ITGB2: variants seen among roughly 807,000 people sequenced by gnomAD.
ITGB2 encodes integrin beta-2.
A neutral mutation model predicts 86.8 loss-of-function variants in ITGB2; 56 were observed. The ratio of observed to expected loss-of-function variants is 0.65; its 90% CI spans 0.52 to 0.81. ITGB2 has a LOEUF of 0.81. Ranked by LOEUF, ITGB2 falls within the 30% of genes least tolerant of loss-of-function variation. The pLI is 0.00. For missense variants in ITGB2, 948 were observed against 1,061.2 expected (o/e 0.89, Z 1.48); for synonymous variants, 457 against 450.4 (o/e 1.01, Z -0.19).
chr21:44,908,724 C>T (rs760598832), intron 3 of ITGB2, among the ~76,000 whole-genome samples: 4 of 152,184 alleles, frequency 2.6e-5, no homozygotes, highest in Non-Finnish European at 5.9e-5. Context: ...GCTTGTCCGG[C>T]TACAACGGTG....
chr21:44,889,817 T>C (rs1304583090), intron 12 of ITGB2, among the ~76,000 whole-genome samples, 161 bp downstream of exon 12: 1 of 152,170 alleles, frequency 6.6e-6, no homozygotes, highest in Non-Finnish European at 1.5e-5. Flanking sequence ...TGCAGGGCCA[T>C]CCAAGTTCCT....
chr21:44,904,363 C>T (rs960270994), intron 4 of ITGB2, among the ~76,000 whole-genome samples: 1 of 151,930 alleles, frequency 6.6e-6, no homozygotes, highest in Non-Finnish European at 1.5e-5. Context: ...ACATGGCATA[C>T]ACACCCACAT....
intron 6 of ITGB2, among the ~76,000 whole-genome samples, chr21:44,900,868 G>A (rs2083946281): frequency 6.6e-6 from 1 of 152,232 alleles, no homozygotes; most frequent in Non-Finnish European, 1.5e-5. Context: ...GGCCCAGCAG[G>A]CCTTGAGTCC....
intron 7 of ITGB2, among the ~76,000 whole-genome samples, chr21:44,900,112 G>A (rs1415881052): frequency 1.3e-5 from 2 of 152,344 alleles, no homozygotes; most frequent in Non-Finnish European, 2.9e-5. Context: ...CCGGGCCTCA[G>A]CCTGGCTGCC....
chr21:44,901,638 G>A lies in ITGB2; in HGVS notation c.595C>T (p.Gln199Ter), dbSNP rs1200663010. 6.2e-7 allele frequency: 1 copy of A among 1,614,262 alleles called. No individual in the cohort carries two copies. The highest frequency in any genetic ancestry group is 8.5e-7 in the Non-Finnish European group (1 of 1,180,044). Residue 199 changes from glutamine (Q) to a stop codon, truncating the protein, a stop_gained, in exon 6 of 16, where the codon CAG becomes TAG. Coordinates refer to ENST00000652462, the MANE Select transcript of ITGB2 (RefSeq NM_000211.5). LOFTEE classifies it high-confidence loss of function. ...NPCPNKEKEC[Q>*]PPFAFRHVLK... ...ACGTGCCTGAAGGCAAACGGGGGCTGGCACTCTTTCTCCTTGTTGGGGCAT... is the reference window on the plus strand; with the variant it reads ...ACGTGCCTGAAGGCAAACGGGGGCTAGCACTCTTTCTCCTTGTTGGGGCAT...
intron 15 of ITGB2, 51 bp downstream of exon 15, chr21:44,886,685 T>C: frequency 6.2e-7 from 1 of 1,610,424 alleles, no homozygotes; most frequent in East Asian, 2.2e-5. Context: ...GGTCGCATAG[T>C]GTGGGACGCA....
intron 8 of ITGB2, among the ~76,000 whole-genome samples, chr21:44,896,502 A>C (rs2083873231): frequency 6.6e-6 from 1 of 151,760 alleles, no homozygotes; most frequent in African/African-American, 2.4e-5. Context: ...TGGTCGGGTC[A>C]CCTCCCCGCC....
At chr21:44,911,040 G>A in intron 1 of ITGB2, 1 of 565,260 alleles carries the variant, frequency 1.8e-6, no homozygotes, top group Non-Finnish European at 3.2e-6. Context: ...GCGGGCCCCT[G>A]CAGAGGCACA....
At chr21:44,920,045 C>T (rs1160039707) in intron 1 of ITGB2, among the ~76,000 whole-genome samples, 2 of 152,154 alleles carry the variant, frequency 1.3e-5, no homozygotes, top group East Asian at 1.9e-4. Context: ...CGACCAGAAT[C>T]GCACAGCGGT....
chr21:44,889,840 T>G, intron 12 of ITGB2, 138 bp downstream of exon 12: 2 of 1,288,910 alleles, frequency 1.6e-6, no homozygotes, highest in Non-Finnish European at 1.1e-6. Context: ...TGACGCCCGG[T>G]GGCTGGGCGA....
chr21:44,918,514 G>C (rs946261286), intron 1 of ITGB2, among the ~76,000 whole-genome samples: 22 of 152,206 alleles, frequency 1.4e-4, no homozygotes, highest in African/African-American at 5.1e-4. Context: ...CACCCCTCCT[G>C]TTTCACAGAT....
At chr21:44,902,760 G>A (rs982917664) in intron 5 of ITGB2, among the ~76,000 whole-genome samples, 4 of 152,108 alleles carry the variant, frequency 2.6e-5, no homozygotes, top group Non-Finnish European at 5.9e-5. Context: ...TCACGTGCAT[G>A]AGCGTGCATT....
rs1288323647 is a variant in ITGB2 at position 44,886,859 on chromosome 21, G to A, written c.2124C>T (p.Thr708=). ...TGCCGATCAGCACGATGCCTGCCAC[G>A]GTGCCCCCGACGATGGCGGCGATGT... ...GPNIAAIVGG[T]VAGIVLIGIL... The change falls in exon 15 of 16, where the codon ACC becomes ACT. Residue 708 remains threonine, a synonymous_variant. Transcript: ENST00000652462. 8.1e-6 allele frequency: 13 copies of A among 1,613,536 alleles called. No individual in the cohort carries two copies. Among genetic ancestry groups the A allele is most frequent in the East Asian group, 2.2e-5 (1 of 44,876 alleles).
chr21:44,903,294 G>A (rs2083992159), intron 5 of ITGB2, 71 bp downstream of exon 5: 1 of 1,579,102 alleles, frequency 6.3e-7, no homozygotes, highest in East Asian at 2.2e-5. Context: ...GAGGAGTTGT[G>A]TGGGCCACAG....
At chr21:44,895,182 T>C (rs2083847331) in intron 8 of ITGB2, 122 bp from the exon 9 acceptor site, 4 of 755,042 alleles carry the variant, frequency 5.3e-6, no homozygotes, top group Non-Finnish European at 9.4e-6. Context: ...TCAACGCAGT[T>C]TTGCACTTGG....
At chr21:44,922,941 C>T (rs1328071746), upstream of ITGB2, 1 of 152,152 alleles carries the variant, frequency 6.6e-6, no homozygotes, top group Non-Finnish European at 1.5e-5. Context: ...TGAAGAAGGA[C>T]AGAAAGAGAA....
intron 8 of ITGB2, among the ~76,000 whole-genome samples, chr21:44,897,946 C>T (rs893050191): frequency 1.3e-5 from 2 of 152,200 alleles, no homozygotes; most frequent in African/African-American, 4.8e-5. Context: ...CAGGGCTCCA[C>T]CCAGCAGGCC....
upstream of ITGB2, among the ~76,000 whole-genome samples, chr21:44,925,887 G>T (rs1288893646): frequency 6.6e-6 from 1 of 152,120 alleles, no homozygotes; most frequent in African/African-American, 2.4e-5. Context: ...GACCATCCTG[G>T]CTAACATGGT....
chr21:44,910,704 T>C, intron 2 of ITGB2, 21 bp downstream of exon 2: 2 of 1,612,958 alleles, frequency 1.2e-6, no homozygotes, highest in Non-Finnish European at 1.7e-6. Flanking sequence ...TGGAGTCCCC[T>C]CCGTGGAACA....
Sources: allele counts gnomAD v4.1 joint callset (sites outside exome capture counted in the v4.1 genomes callset), GRCh38; gene constraint gnomAD v4.1.1; transcripts MANE v1.5; gene names NCBI Gene and HGNC (gene_info 2026-07-23, HGNC 2026-07-21).